TNIK: variants seen among roughly 807,000 people sequenced by gnomAD.
TNIK encodes TRAF2 and NCK interacting kinase, also known as TRAF2 and NCK-interacting protein kinase.
In TNIK, 49 loss-of-function variants were observed where a neutral mutation model predicts 191.3. The observed-to-expected ratio is 0.26, with a 90% CI of 0.20 to 0.32. TNIK has a LOEUF of 0.32. Ranked by LOEUF, TNIK falls within the 10% of genes least tolerant of loss-of-function variation. The pLI, the probability that TNIK is intolerant of heterozygous loss-of-function variation, is 1.00. For missense variants in TNIK, 1,155 were observed against 1,702.3 expected (o/e 0.68, Z 5.66); for synonymous variants, 594 against 600.9 (o/e 0.99, Z 0.17).
At position 171,350,999 on chromosome 3, in the gene TNIK, G is replaced by A. The variant is rs574038654; in HGVS notation, c.123+18621C>T. Among the ~76,000 whole-genome samples the A allele has an allele frequency of 7.4e-3, 1,123 of 151,774 alleles. 22 individuals are homozygous for A. The highest frequency in any genetic ancestry group is 9.0e-3 in the Non-Finnish European group (613 of 67,918). ...TCCACTTCCTGGGTTCAAGCTATTCGCGTGCCTCAGCCTCCCAAGTAGCTG... is the reference window on the plus strand; with the variant it reads ...TCCACTTCCTGGGTTCAAGCTATTCACGTGCCTCAGCCTCCCAAGTAGCTG... On this transcript the variant is annotated intron_variant, in intron 2 of 32. Transcript: ENST00000436636.
chr3:171,362,275 C>A (rs1211094361), intron 2 of TNIK, among the ~76,000 whole-genome samples: 1 of 152,108 alleles, frequency 6.6e-6, no homozygotes, highest in Non-Finnish European at 1.5e-5. Flanking sequence ...ATTATATCAC[C>A]AAATACAATG....
chr3:171,075,374 G>C (rs754802907), intron 28 of TNIK, among the ~76,000 whole-genome samples: 5 of 152,214 alleles, frequency 3.3e-5, no homozygotes, highest in Non-Finnish European at 5.9e-5. Context: ...TATTTGGTGT[G>C]AGAATGATGG....
intron 2 of TNIK, among the ~76,000 whole-genome samples, chr3:171,288,305 A>T (rs1330638846): frequency 6.6e-6 from 1 of 150,926 alleles, no homozygotes; most frequent in Non-Finnish European, 1.5e-5. Context: ...GTACCCTAAA[A>T]CTTAAAGTAT....
chr3:171,388,878 T>G (rs1314979270), intron 1 of TNIK, among the ~76,000 whole-genome samples: 1 of 152,174 alleles, frequency 6.6e-6, no homozygotes, highest in Non-Finnish European at 1.5e-5. Context: ...GCAAGCTACT[T>G]GAAGTACATA....
At chr3:171,125,027 T>A (rs542306455) in intron 17 of TNIK, among the ~76,000 whole-genome samples, 15 of 152,354 alleles carry the variant, frequency 9.8e-5, no homozygotes, top group African/African-American at 3.4e-4. Flanking sequence ...ACTCTTGTTA[T>A]AATATCCTTT....
At chr3:171,096,360 C>T (rs1238021858) in intron 22 of TNIK, among the ~76,000 whole-genome samples, 1 of 152,012 alleles carries the variant, frequency 6.6e-6, no homozygotes, top group Non-Finnish European at 1.5e-5. Flanking sequence ...TGACCAAGTC[C>T]GAATCACTCT....
intron 22 of TNIK, among the ~76,000 whole-genome samples, chr3:171,098,920 A>G (rs1189547717): frequency 1.3e-5 from 2 of 152,202 alleles, no homozygotes; most frequent in Non-Finnish European, 2.9e-5. Context: ...AAGTAAACAT[A>G]CACACATACA....
At chr3:171,194,726 T>C (rs1172659730) in intron 4 of TNIK, 91 bp from the exon 5 acceptor site, 1 of 1,068,300 alleles carries the variant, frequency 9.4e-7, no homozygotes, top group Non-Finnish European at 1.4e-6. Context: ...TTGGCTGCTT[T>C]GGAATGCCAT....
At chr3:171,354,466 G>T (rs921094899) in intron 2 of TNIK, among the ~76,000 whole-genome samples, 1 of 152,058 alleles carries the variant, frequency 6.6e-6, no homozygotes, top group Non-Finnish European at 1.5e-5. Flanking sequence ...AGCAGGACTC[G>T]GCTGACACAA....
At chr3:171,325,723 G>C (rs557611462) in intron 2 of TNIK, among the ~76,000 whole-genome samples, 66 of 152,254 alleles carry the variant, frequency 4.3e-4, no homozygotes, top group African/African-American at 1.5e-3. Context: ...CAAGAATTTC[G>C]GGGAGCCGAT....
chr3:171,101,748 C>T (rs946862575), intron 21 of TNIK, 115 bp from the exon 22 acceptor site: 78 of 969,018 alleles, frequency 8.0e-5, no homozygotes, highest in Non-Finnish European at 1.1e-4. Flanking sequence ...CTATATAGAA[C>T]TGTGACAAAC....
chr3:171,361,724 C>G (rs1427141810), intron 2 of TNIK, among the ~76,000 whole-genome samples: 1 of 152,104 alleles, frequency 6.6e-6, no homozygotes, highest in Non-Finnish European at 1.5e-5. Flanking sequence ...CCCAAGATAA[C>G]AGGAATCTGC....
chr3:171,066,870 T>A, intron 30 of TNIK, 135 bp from the exon 31 acceptor site: 5 of 1,075,488 alleles, frequency 4.6e-6, no homozygotes, highest in Non-Finnish European at 6.5e-6. Context: ...TGCTTTAATT[T>A]AACCACTGAC....
Position 171,064,125 on chromosome 3 carries a change from C to A in TNIK, c.4000-161G>T. On this transcript the variant is annotated intron_variant, in intron 32 of 32. Transcript: ENST00000436636. ...AAAGTCCCTTTGGATATCGTGCATC[C>A]TATGTAAAAACTCCTGCCTTTATTC... 9.5e-6 allele frequency: 6 copies of A among 628,476 alleles called. 1 individual carries two copies. The South Asian group carries it at 1.3e-4, about 13-fold the overall frequency. 38.9% of individuals were successfully genotyped at this position (628,476 alleles called of 1,614,324 possible).
chr3:171,276,171 T>C (rs1749720929), intron 2 of TNIK, among the ~76,000 whole-genome samples: 1 of 151,540 alleles, frequency 6.6e-6, no homozygotes, highest in Non-Finnish European at 1.5e-5. Context: ...AAGATGAAAA[T>C]AGAACAAAAC....
intron 1 of TNIK, among the ~76,000 whole-genome samples, chr3:171,444,728 C>G (rs1340139665): frequency 6.6e-6 from 1 of 152,062 alleles, no homozygotes; most frequent in Non-Finnish European, 1.5e-5. Context: ...TTTTAACTTC[C>G]ATACTCCTAA....
At chr3:171,232,834 A>G (rs1743823653) in intron 2 of TNIK, among the ~76,000 whole-genome samples, 1 of 152,240 alleles carries the variant, frequency 6.6e-6, no homozygotes, top group African/African-American at 2.4e-5. Flanking sequence ...GGTGAAATCC[A>G]AATCACTCAA....
chr3:171,115,471 G>C (rs1407448984), intron 18 of TNIK, among the ~76,000 whole-genome samples: 7 of 152,242 alleles, frequency 4.6e-5, no homozygotes, highest in African/African-American at 1.7e-4. Flanking sequence ...GTGTATGAAA[G>C]AGACTAAGTA....
In TNIK at chr3:171,063,416, T is replaced by C. The variant is rs1297177519; in HGVS notation, c.*465A>G. The C allele has an allele frequency of 2.6e-5, 4 of 153,048 alleles. No homozygotes were observed. Among genetic ancestry groups the C allele is most frequent in the African/African-American group, 9.6e-5 (4 of 41,462 alleles). 9.5% of individuals were successfully genotyped at this position (153,048 alleles called of 1,614,324 possible). ...ACATTTATTGTGCTGTCTCTCATCA[T>C]TGGAAATTTTACAACATACCATATA... On this transcript the variant is annotated 3_prime_UTR_variant, in exon 33 of 33. Coordinates refer to ENST00000436636, the MANE Select transcript of TNIK (RefSeq NM_015028.4).
Sources: allele counts gnomAD v4.1 joint callset (sites outside exome capture counted in the v4.1 genomes callset), GRCh38; gene constraint gnomAD v4.1.1; transcripts MANE v1.5; gene names NCBI Gene and HGNC (gene_info 2026-07-23, HGNC 2026-07-21).